Variants in DTNA observed in about 807,000 individuals in gnomAD.
The protein encoded by DTNA is dystrophin-related protein 3.
Under a neutral mutation model 100.7 loss-of-function variants are expected in DTNA, and 43 were observed. The observed-to-expected ratio is 0.43, with a 90% CI of 0.33 to 0.55. The LOEUF (loss-of-function observed/expected upper bound fraction) is 0.55, where lower values mean the gene tolerates loss of function less well. Ranked by LOEUF, DTNA falls within the 20% of genes least tolerant of loss-of-function variation. The pLI is 0.04. For missense variants in DTNA, 798 were observed against 953.9 expected (o/e 0.84, Z 2.15); for synonymous variants, 349 against 347.9 (o/e 1.00, Z -0.04).
chr18:34,536,870 C>T (rs1279417194), intron 1 of DTNA, among the ~76,000 whole-genome samples: 2 of 151,834 alleles, frequency 1.3e-5, no homozygotes, highest in Admixed American at 1.3e-4. Flanking sequence ...AAAATATTCT[C>T]CTTTGTTGAA....
chr18:34,643,185 C>T (rs1373158131), intron 1 of DTNA, among the ~76,000 whole-genome samples: 1 of 152,190 alleles, frequency 6.6e-6, no homozygotes, highest in Non-Finnish European at 1.5e-5. Flanking sequence ...CTTGGTTCCT[C>T]AGGGCCTCTC....
intron 1 of DTNA, among the ~76,000 whole-genome samples, chr18:34,515,450 CA>C (rs2041506812): frequency 2.6e-5 from 4 of 152,082 alleles, no homozygotes; most frequent in African/African-American, 9.7e-5. Context: ...TACTTGCACA[CA>C]CATACACACA....
chr18:34,727,276 C>A (rs542862942), intron 1 of DTNA, among the ~76,000 whole-genome samples: 1 of 152,192 alleles, frequency 6.6e-6, no homozygotes, highest in South Asian at 2.1e-4. Flanking sequence ...GCTTTTAAGG[C>A]CTTTTTCCCA....
At chr18:34,843,314 A>C (rs2096306617) in intron 13 of DTNA, among the ~76,000 whole-genome samples, 1 of 152,174 alleles carries the variant, frequency 6.6e-6, no homozygotes, top group African/African-American at 2.4e-5. Flanking sequence ...AGGGCATTCT[A>C]AAATTTTTTT....
At chr18:34,760,385 T>C (rs1227314914) in intron 2 of DTNA, among the ~76,000 whole-genome samples, 1 of 152,210 alleles carries the variant, frequency 6.6e-6, no homozygotes, top group Non-Finnish European at 1.5e-5. Flanking sequence ...GTTGTCTCCA[T>C]ATACAATTTG....
intron 4 of DTNA, among the ~76,000 whole-genome samples, chr18:34,803,466 ACT>A (rs1333498334): frequency 4.6e-5 from 7 of 151,668 alleles, no homozygotes; most frequent in African/African-American, 1.7e-4. Flanking sequence ...CCTTTGGAGA[ACT>A]CTCTGTTCCA....
chr18:34,861,814 A>AT (rs919003434), intron 16 of DTNA, among the ~76,000 whole-genome samples: 1 of 151,330 alleles, frequency 6.6e-6, no homozygotes, highest in Non-Finnish European at 1.5e-5. Context: ...GTACAATTAG[A>AT]TTTTTTTAGT....
At chr18:34,559,898 G>T (rs550703562) in intron 1 of DTNA, among the ~76,000 whole-genome samples, 2 of 152,152 alleles carry the variant, frequency 1.3e-5, no homozygotes, top group Admixed American at 6.5e-5. Flanking sequence ...CACAAATTAT[G>T]AAGTGCTTGA....
At chr18:34,606,026 C>A (rs1384982292) in intron 1 of DTNA, among the ~76,000 whole-genome samples, 2 of 152,020 alleles carry the variant, frequency 1.3e-5, no homozygotes, top group African/African-American at 2.4e-5. Context: ...TGAAAAAAAT[C>A]CACTTCAGTT....
At chr18:34,789,615 T>C (rs902868118) in intron 3 of DTNA, among the ~76,000 whole-genome samples, 1 of 152,206 alleles carries the variant, frequency 6.6e-6, no homozygotes, top group Non-Finnish European at 1.5e-5. Context: ...ATCTATATTG[T>C]TTGTATTGAG....
chr18:34,673,172 C>T (rs559450631), intron 1 of DTNA, among the ~76,000 whole-genome samples: 9 of 152,236 alleles, frequency 5.9e-5, no homozygotes, highest in South Asian at 2.1e-4. Context: ...CTGTAACCTC[C>T]GCCTGCTGGG....
In DTNA at chr18:34,890,162, C is replaced by T. The variant is rs138447301; in HGVS notation, c.*2428C>T. ...GAACTGTTCTGCTGATAACCTTCCC[C>T]GTTGTCATAGCTATTTCATTGCCAA... On this transcript the variant is annotated 3_prime_UTR_variant, in exon 23 of 23. Coordinates refer to ENST00000444659, the MANE Select transcript of DTNA (RefSeq NM_001386795.1). The T allele has an allele frequency of 9.2e-4, 1,323 of 1,437,736 alleles. No individual in the cohort carries two copies. The highest frequency in any genetic ancestry group is 2.3e-3 in the Admixed American group (84 of 35,768). 89.1% of individuals were successfully genotyped at this position (1,437,736 alleles called of 1,614,324 possible).
rs573086616 is a variant in DTNA at position 34,743,944 on chromosome 18, C to T, written c.-1-12032C>T. On this transcript the variant is annotated intron_variant, in intron 1 of 22. Transcript: ENST00000444659. Reference sequence around the variant, plus strand: ...CTCTCATCTTCCTTATCTCAAAAGACGCTTTCCTCGTGTGGCCTCTGGAGA... The same window carrying T: ...CTCTCATCTTCCTTATCTCAAAAGATGCTTTCCTCGTGTGGCCTCTGGAGA... Among the ~76,000 whole-genome samples the T allele has an allele frequency of 4.6e-5, 7 of 152,068 alleles. No individual in the cohort carries two copies. The South Asian group carries it at 6.2e-4, about 14-fold the overall frequency.
At chr18:34,502,902 T>C (rs920591585) in intron 1 of DTNA, among the ~76,000 whole-genome samples, 1 of 152,234 alleles carries the variant, frequency 6.6e-6, no homozygotes, top group Non-Finnish European at 1.5e-5. Flanking sequence ...CAAGTTCTTA[T>C]ATGTCTTTGC....
chr18:34,752,566 A>G (rs531893636), intron 1 of DTNA, among the ~76,000 whole-genome samples: 4 of 152,346 alleles, frequency 2.6e-5, no homozygotes, highest in Admixed American at 2.6e-4. Context: ...ACTACGATCA[A>G]TGAGTAATAG....
chr18:34,565,654 A>G (rs2047019552), intron 1 of DTNA, among the ~76,000 whole-genome samples: 1 of 152,098 alleles, frequency 6.6e-6, no homozygotes, highest in Non-Finnish European at 1.5e-5. Context: ...CTTCCTCTAC[A>G]TGACTTTCTT....
chr18:34,689,161 A>G (rs1014486219), intron 1 of DTNA, among the ~76,000 whole-genome samples: 18 of 152,202 alleles, frequency 1.2e-4, no homozygotes, highest in Admixed American at 1.1e-3. Context: ...CGTCAAACTC[A>G]TTCTCCATCC....
intron 1 of DTNA, among the ~76,000 whole-genome samples, chr18:34,630,944 T>C (rs954058366): frequency 6.6e-6 from 1 of 152,006 alleles, no homozygotes; most frequent in South Asian, 2.1e-4. Flanking sequence ...GGAGAGTGTG[T>C]AGAATTAGGA....
Position 34,875,425 on chromosome 18 carries a change from T to C in DTNA, c.1903+27T>C, listed in dbSNP as rs923256130. On this transcript the variant is annotated intron_variant, in intron 18 of 22. Transcript: ENST00000444659. ...TAAGTGGCTTTATTTTTTGTTGTGG[T>C]CTGCTTTTATGTGGCAAATAGGTCA... The C allele has an allele frequency of 5.0e-6, 8 of 1,613,822 alleles. No individual in the cohort carries two copies. In the Admixed American group the frequency reaches 8.3e-5, roughly 17 times the overall value.
Sources: gnomAD v4.1 joint callset for allele counts (sites outside exome capture counted in the v4.1 genomes callset) on GRCh38, gnomAD v4.1.1 for gene constraint, MANE v1.5 for transcripts, NCBI Gene and HGNC (gene_info 2026-07-23, HGNC 2026-07-21) for gene names.